AUTS2: variants seen among roughly 807,000 people sequenced by gnomAD.
The protein encoded by AUTS2 is autism susceptibility gene 2 protein.
A neutral mutation model predicts 112.4 loss-of-function variants in AUTS2; 17 were observed. The observed-to-expected ratio is 0.15, with a 90% CI of 0.10 to 0.23. The LOEUF (loss-of-function observed/expected upper bound fraction) is 0.23, where lower values mean the gene tolerates loss of function less well. Ranked by LOEUF, AUTS2 falls within the 10% of genes least tolerant of loss-of-function variation. The pLI, the probability that AUTS2 is intolerant of heterozygous loss-of-function variation, is 1.00. For missense variants in AUTS2, 1,510 were observed against 1,701.6 expected (o/e 0.89, Z 1.98); for synonymous variants, 751 against 702.7 (o/e 1.07, Z -1.09).
At position 69,770,656 on chromosome 7, in the gene AUTS2, T is replaced by C. The variant is rs554389589; in HGVS notation, c.310-128630T>C. On this transcript the variant is annotated intron_variant, in intron 1 of 18. Transcript: ENST00000342771. ...TTGCAGAGCGCTTCATATAAGACTT[T>C]TGTAAATTTCGGAGATAGTGTGCTT... Among the ~76,000 whole-genome samples, 9 of 152,238 alleles carry C rather than the reference T, an allele frequency of 5.9e-5. 1 individual carries two copies. The East Asian group carries it at 1.5e-3, about 26-fold the overall frequency.
chr7:70,186,427 G>C (rs1021621378), intron 4 of AUTS2, among the ~76,000 whole-genome samples: 10 of 152,048 alleles, frequency 6.6e-5, no homozygotes, highest in Non-Finnish European at 1.5e-4. Flanking sequence ...TTGGAGTTTT[G>C]ATGGTGGTTA....
chr7:69,634,595 C>A lies in AUTS2; in HGVS notation c.309+34633C>A, dbSNP rs568232571. On this transcript the variant is annotated intron_variant, in intron 1 of 18. Coordinates refer to ENST00000342771, the MANE Select transcript of AUTS2 (RefSeq NM_015570.4). ...ACTTGTAGCCTTGAAGGAGAGGGAC[C>A]CGAACTGTGAAGAGATTTGTCACTA... is the stretch of plus-strand genomic sequence containing the variant. Among the ~76,000 whole-genome samples, 9 of 152,180 alleles carry A rather than the reference C, an allele frequency of 5.9e-5. No individual in the cohort carries two copies. The East Asian group carries it at 1.7e-3, about 29-fold the overall frequency.
At chr7:70,451,737 A>G (rs765949218) in intron 5 of AUTS2, among the ~76,000 whole-genome samples, 5 of 152,234 alleles carry the variant, frequency 3.3e-5, no homozygotes, top group Non-Finnish European at 7.3e-5. Context: ...TAATATCCCC[A>G]TGCCTTCTAG....
intron 4 of AUTS2, among the ~76,000 whole-genome samples, chr7:70,329,167 A>G (rs1790631531): frequency 6.6e-6 from 1 of 152,184 alleles, no homozygotes; most frequent in Admixed American, 6.5e-5. Flanking sequence ...TGATTTGTTT[A>G]TCTGTACATG....
At chr7:70,530,337 T>C (rs1366414921) in intron 5 of AUTS2, among the ~76,000 whole-genome samples, 1 of 152,178 alleles carries the variant, frequency 6.6e-6, no homozygotes, top group African/African-American at 2.4e-5. Context: ...CCTGGGAGTG[T>C]GACAGATAGT....
chr7:69,823,286 C>G (rs1791083032), intron 1 of AUTS2, among the ~76,000 whole-genome samples: 2 of 152,192 alleles, frequency 1.3e-5, no homozygotes, highest in African/African-American at 2.4e-5. Context: ...GTTATTACAC[C>G]TGGCAATTAG....
chr7:69,756,230 A>G (rs1444372434), intron 1 of AUTS2, among the ~76,000 whole-genome samples: 1 of 152,236 alleles, frequency 6.6e-6, no homozygotes, highest in Non-Finnish European at 1.5e-5. Context: ...TCTTTTGCAG[A>G]TGTGCTTACA....
chr7:70,638,481 G>A (rs1479507501), intron 5 of AUTS2, among the ~76,000 whole-genome samples: 1 of 152,106 alleles, frequency 6.6e-6, no homozygotes, highest in Non-Finnish European at 1.5e-5. Context: ...AGAATTTTCT[G>A]CAAATGAACT....
At chr7:70,196,390 C>T (rs1489109945) in intron 4 of AUTS2, among the ~76,000 whole-genome samples, 2 of 152,094 alleles carry the variant, frequency 1.3e-5, no homozygotes, top group Non-Finnish European at 2.9e-5. Flanking sequence ...AAAAGCTATA[C>T]CGAATAAAAT....
At chr7:69,678,127 C>T (rs2129165068) in intron 1 of AUTS2, among the ~76,000 whole-genome samples, 1 of 152,196 alleles carries the variant, frequency 6.6e-6, no homozygotes. Flanking sequence ...CCTATGAAAT[C>T]TGGAAGTGCT....
chr7:70,021,434 G>A (rs1178490836), intron 2 of AUTS2, among the ~76,000 whole-genome samples: 2 of 152,134 alleles, frequency 1.3e-5, no homozygotes, highest in African/African-American at 4.8e-5. Context: ...GAGGGAAGGA[G>A]GCCAGCAAAG....
intron 4 of AUTS2, among the ~76,000 whole-genome samples, chr7:70,406,619 T>A (rs1222786355): frequency 6.6e-6 from 1 of 152,200 alleles, no homozygotes; most frequent in Non-Finnish European, 1.5e-5. Context: ...TGGGCTCACG[T>A]GGGTGTATCT....
chr7:70,421,577 G>A (rs1795220134), intron 4 of AUTS2, among the ~76,000 whole-genome samples: 1 of 152,164 alleles, frequency 6.6e-6, no homozygotes, highest in Non-Finnish European at 1.5e-5. Flanking sequence ...CTGCTGAAGT[G>A]CTGGTCCATT....
In AUTS2 at chr7:69,841,472, T is replaced by C. The variant is rs180794626; in HGVS notation, c.310-57814T>C. 7.0e-3 allele frequency among the ~76,000 whole-genome samples: 1,069 copies of C among 152,202 alleles called. 10 individuals carry two copies. The highest frequency in any genetic ancestry group is 0.019 in the South Asian group (91 of 4,814). Reference sequence around the variant, plus strand: ...ATCCAAACACCTCCCACCACCAGCATTGGGGATTACAATTCAACATCAGGT... The same window carrying C: ...ATCCAAACACCTCCCACCACCAGCACTGGGGATTACAATTCAACATCAGGT... On this transcript the variant is annotated intron_variant, in intron 1 of 18. Coordinates refer to ENST00000342771, the MANE Select transcript of AUTS2 (RefSeq NM_015570.4).
chr7:70,358,013 G>C (rs1310255359), intron 4 of AUTS2, among the ~76,000 whole-genome samples: 1 of 152,138 alleles, frequency 6.6e-6, no homozygotes, highest in East Asian at 1.9e-4. Context: ...TAACCTTAGT[G>C]GTCACAGTCT....
chr7:70,413,463 CAG>C (rs1287212555), intron 4 of AUTS2, among the ~76,000 whole-genome samples: 1 of 152,088 alleles, frequency 6.6e-6, no homozygotes, highest in East Asian at 1.9e-4. Flanking sequence ...TAGAGGGAAA[CAG>C]AAAAGACAAC....
chr7:70,650,488 C>T (rs1349419278), intron 5 of AUTS2, among the ~76,000 whole-genome samples: 1 of 152,240 alleles, frequency 6.6e-6, no homozygotes, highest in Non-Finnish European at 1.5e-5. Flanking sequence ...GTGGTTTAAT[C>T]TCTCTGAATG....
In AUTS2 at chr7:69,963,297, TTAAAGA is replaced by T. The variant is rs760686576; in HGVS notation, c.522+63804_522+63809del. Among the ~76,000 whole-genome samples, 77 of 152,216 alleles carry T rather than the reference TTAAAGA, an allele frequency of 5.1e-4. 1 individual carries two copies. The highest frequency in any genetic ancestry group is 5.7e-4 in the Non-Finnish European group (39 of 68,004). ...TGAACTTTTAATTTTCCAGAAAACA[TTAAAGA>T]TAAATTAGAGAACACACTCCTGTTG... On this transcript the variant is annotated intron_variant, in intron 2 of 18. Coordinates refer to ENST00000342771, the MANE Select transcript of AUTS2 (RefSeq NM_015570.4).
At position 70,763,299 on chromosome 7, in the gene AUTS2, T is replaced by C; in HGVS notation, c.1172T>C (p.Leu391Ser). The C allele has an allele frequency of 6.2e-7, 1 of 1,602,764 alleles. No homozygotes were observed. The highest frequency in any genetic ancestry group is 8.5e-7 in the Non-Finnish European group (1 of 1,173,448). The change falls in exon 7 of 19, where the codon TTG becomes TCG. Residue 391 changes from leucine (L) to serine (S), a missense_variant. Physicochemically the swap from Leu to Ser is moderately radical, Grantham distance 145. Coordinates refer to ENST00000342771, the MANE Select transcript of AUTS2 (RefSeq NM_015570.4). ...HPSAQSLSQPLSAYNSSSLSL... is the reference protein window; with the variant it reads ...HPSAQSLSQPSSAYNSSSLSL... ...TCTGCTCAGAGCCTCTCCCAGCCAT[T>C]GTCAGCCTACAACAGCAGTAGCTTA... is the stretch of plus-strand genomic sequence containing the variant.
Sources: allele counts gnomAD v4.1 joint callset (sites outside exome capture counted in the v4.1 genomes callset), GRCh38; gene constraint gnomAD v4.1.1; transcripts MANE v1.5; gene names NCBI Gene and HGNC (gene_info 2026-07-23, HGNC 2026-07-21).